Variants in YWHAG observed in about 807,000 individuals in gnomAD.
YWHAG encodes tyrosine 3-monooxygenase/tryptophan 5-monooxygenase activation protein gamma.
A neutral mutation model predicts 23.3 loss-of-function variants in YWHAG; 1 was observed. The observed-to-expected ratio is 0.04, with a 90% CI of 0.02 to 0.20. YWHAG has a LOEUF of 0.20. Among genes scored for constraint, YWHAG ranks in the 10% least tolerant of loss-of-function variants. The pLI is 1.00. For missense variants in YWHAG, 151 were observed against 338.6 expected, an observed-to-expected ratio of 0.45 and a Z score of 4.35; for synonymous variants, 160 against 144.0, an observed-to-expected ratio of 1.11 and a Z score of -0.80.
At chr7:76,332,896 G>A (rs772040420) in intron 1 of YWHAG, among the ~76,000 whole-genome samples, 2 of 152,084 alleles carry the variant, frequency 1.3e-5, no homozygotes, top group African/African-American at 2.4e-5. Flanking sequence ...TAGAGACAGC[G>A]TTTTGCCATG....
At chr7:76,356,465 T>C (rs7802264) in intron 1 of YWHAG, among the ~76,000 whole-genome samples, 97,876 of 152,032 alleles carry the variant, frequency 0.64, 33,157 homozygotes, top group East Asian at 0.94. Flanking sequence ...ACTTAAAAGG[T>C]TTTGGAACGG....
At chr7:76,334,160 C>T (rs116553633) in intron 1 of YWHAG, among the ~76,000 whole-genome samples, 3,100 of 152,236 alleles carry the variant, frequency 0.02, 124 homozygotes, top group African/African-American at 0.071. Context: ...TTCTGAACAC[C>T]TTAAATCAAA....
chr7:76,337,369 C>T (rs1354473036), intron 1 of YWHAG, among the ~76,000 whole-genome samples: 1 of 152,110 alleles, frequency 6.6e-6, no homozygotes, highest in Non-Finnish European at 1.5e-5. Flanking sequence ...AAGTGACCAG[C>T]CCCCAGCTGC....
In YWHAG at chr7:76,327,387, CTG is replaced by C. The variant is rs1803460089; in HGVS notation, c.*2188_*2189del. 1 of 152,262 alleles carries C rather than the reference CTG, an allele frequency of 6.6e-6. No individual in the cohort carries two copies. The highest frequency in any genetic ancestry group is 2.1e-4 in the South Asian group (1 of 4,824). 9.4% of individuals were successfully genotyped at this position (152,262 alleles called of 1,614,324 possible). ...GAGTAATGGAGGAGTAATCATTTCA[CTG>C]GAGAGACAGTATCATAGGCAAGTGC... On this transcript the variant is annotated 3_prime_UTR_variant, in exon 2 of 2. Coordinates refer to ENST00000307630, the MANE Select transcript of YWHAG (RefSeq NM_012479.4).
chr7:76,358,061 T>C (rs547091016), intron 1 of YWHAG, among the ~76,000 whole-genome samples: 1 of 152,350 alleles, frequency 6.6e-6, no homozygotes, highest in African/African-American at 2.4e-5. Context: ...TCTCCCTTCC[T>C]AAAAGCCGGA....
chr7:76,335,376 T>TA (rs370387018), intron 1 of YWHAG, among the ~76,000 whole-genome samples: 1 of 152,188 alleles, frequency 6.6e-6, no homozygotes, highest in African/African-American at 2.4e-5. Flanking sequence ...TTTGGTGACT[T>TA]AAAAGATGTT....
At chr7:76,349,222 G>A (rs1179853650) in intron 1 of YWHAG, among the ~76,000 whole-genome samples, 4 of 150,784 alleles carry the variant, frequency 2.7e-5, no homozygotes, top group Non-Finnish European at 5.9e-5. Flanking sequence ...GGCGCCTGTA[G>A]TCCCAGCTAC....
chr7:76,341,404 C>CAAAAAAAAAAAAAAAAAAAAAA (rs1158151013), intron 1 of YWHAG, among the ~76,000 whole-genome samples: 1 of 44,650 alleles, frequency 2.2e-5, no homozygotes, highest in African/African-American at 8.1e-5. Context: ...ACTCTTGCCT[C>CAAAAAAAAAAAAAAAAAAAAAA]AAAAAAAAAA....
intron 1 of YWHAG, among the ~76,000 whole-genome samples, chr7:76,346,891 T>C (rs17209045): frequency 0.012 from 1,807 of 152,288 alleles, 12 homozygotes; most frequent in Non-Finnish European, 0.018. Flanking sequence ...ACTCATTTCC[T>C]GCTACTCCCT....
At chr7:76,354,697 A>C (rs1046455926) in intron 1 of YWHAG, among the ~76,000 whole-genome samples, 2 of 152,182 alleles carry the variant, frequency 1.3e-5, no homozygotes, top group Non-Finnish European at 2.9e-5. Context: ...GGAGCTCCCC[A>C]GTCTCAACCC....
In YWHAG at chr7:76,330,201, C is replaced by G; in HGVS notation, c.120G>C (p.Glu40Asp). 6.2e-7 allele frequency: 1 copy of G among 1,611,966 alleles called. No individual in the cohort carries two copies. Among genetic ancestry groups the G allele is most frequent in the Non-Finnish European group, 8.5e-7 (1 of 1,179,528 alleles). ...VTELNEPLSN[E>D]ERNLLSVAYK... is the part of the protein sequence containing the mutation. ...AGGCCACAGACAGAAGGTTTCGTTC[C>G]TCATTCGACAGTGGCTCATTCAGCT... The change falls in exon 2 of 2, where the codon GAG (glutamate) becomes GAC (aspartate). Residue 40 changes from glutamate (E) to aspartate (D), a missense_variant. By Grantham distance (45) the Glu-to-Asp change is conservative. Coordinates refer to ENST00000307630, the MANE Select transcript of YWHAG (RefSeq NM_012479.4).
At chr7:76,354,087 T>G (rs996399633) in intron 1 of YWHAG, among the ~76,000 whole-genome samples, 1 of 135,398 alleles carries the variant, frequency 7.4e-6, no homozygotes, top group African/African-American at 2.8e-5. Context: ...AAACAAGCAA[T>G]CAAACGCACA....
At position 76,344,478 on chromosome 7, in the gene YWHAG, T is replaced by C. The variant is rs577338129; in HGVS notation, c.87+14244A>G. 2.6e-5 allele frequency among the ~76,000 whole-genome samples: 4 copies of C among 152,270 alleles called. No homozygotes were observed. The East Asian group carries it at 7.7e-4, about 29-fold the overall frequency. The stretch of plus-strand genomic sequence containing the variant: ...CAAATGCCTTGAAAAAATCCAGATA[T>C]ACTATGTTCCAGCACTCCCATGGCT... On this transcript the variant is annotated intron_variant, in intron 1 of 1. Transcript: ENST00000307630.
intron 1 of YWHAG, among the ~76,000 whole-genome samples, chr7:76,338,694 C>T (rs578156091): frequency 6.6e-6 from 1 of 151,840 alleles, no homozygotes; most frequent in East Asian, 1.9e-4. Flanking sequence ...ATCTCAGTAA[C>T]AGAAAAATGG....
chr7:76,344,404 T>C (rs1306264075), intron 1 of YWHAG, among the ~76,000 whole-genome samples: 1 of 152,154 alleles, frequency 6.6e-6, no homozygotes, highest in Non-Finnish European at 1.5e-5. Context: ...TTAGGGCACA[T>C]GACATGCCTC....
intron 1 of YWHAG, among the ~76,000 whole-genome samples, chr7:76,346,767 G>A (rs964997125): frequency 2.0e-5 from 3 of 151,984 alleles, no homozygotes; most frequent in Non-Finnish European, 4.4e-5. Flanking sequence ...CTGGGATCTC[G>A]CCACACCAAA....
In YWHAG at chr7:76,326,988, A is replaced by C. The variant is rs1420653509; in HGVS notation, c.*2589T>G. On this transcript the variant is annotated 3_prime_UTR_variant, in exon 2 of 2. Transcript: ENST00000307630. ...TTCACTGCATAACATGACAAAAAGC[A>C]CAAAGGCTCATTCAGAGAACATATT... 1 of 152,686 alleles carries C rather than the reference A, an allele frequency of 6.5e-6. No homozygotes were observed. The highest frequency in any genetic ancestry group is 2.4e-5 in the African/African-American group (1 of 41,462). 9.5% of individuals were successfully genotyped at this position (152,686 alleles called of 1,614,324 possible).
rs1056052772 is a variant in YWHAG, at chr7:76,328,662, G to A, written c.*915C>T. The A allele has an allele frequency of 6.6e-6, 1 of 152,216 alleles. No homozygotes were observed. The highest frequency in any genetic ancestry group is 1.5e-5 in the Non-Finnish European group (1 of 68,068). 9.4% of individuals were successfully genotyped at this position (152,216 alleles called of 1,614,324 possible). On this transcript the variant is annotated 3_prime_UTR_variant, in exon 2 of 2. Coordinates refer to ENST00000307630, the MANE Select transcript of YWHAG (RefSeq NM_012479.4). ...GGAGGGAGCTGCAGCAGCTTCAGAA[G>A]CGGGATGTTCTCTGAAAATACCAAC...
intron 1 of YWHAG, among the ~76,000 whole-genome samples, chr7:76,336,259 T>C (rs1381021695): frequency 6.6e-6 from 1 of 152,160 alleles, no homozygotes; most frequent in Non-Finnish European, 1.5e-5. Flanking sequence ...CTCCACAGAA[T>C]GTAGATCACC....
Sources: allele counts gnomAD v4.1 joint callset (sites outside exome capture counted in the v4.1 genomes callset), GRCh38; gene constraint gnomAD v4.1.1; transcripts MANE v1.5; gene names NCBI Gene and HGNC (gene_info 2026-07-23, HGNC 2026-07-21).